Variants in LETMD1 observed in about 807,000 individuals in gnomAD.
The protein encoded by LETMD1 is LETM1 domain-containing protein 1.
LETMD1 carries 30 observed loss-of-function variants against 43.9 expected under a neutral mutation model. The observed-to-expected ratio is 0.68, with a 90% CI of 0.51 to 0.93. The LOEUF (loss-of-function observed/expected upper bound fraction) is 0.93, where lower values mean the gene tolerates loss of function less well. LETMD1 is among the 40% of genes least tolerant of loss of function. The pLI is 0.00. For synonymous variants in LETMD1, 176 were observed against 163.1 expected (o/e 1.08, Z -0.60); for missense variants, 413 against 447.7 (o/e 0.92, Z 0.70).
Position 51,055,984 on chromosome 12 carries a change from C to G in LETMD1, c.623C>G (p.Ala208Gly). The change falls in exon 5 of 9, where the codon GCA (alanine) becomes GGA (glycine). Residue 208 changes from alanine (A) to glycine (G), a missense_variant. Transcript: ENST00000262055. ...AAGGTCATCCCTCTCATTTCTGATG[C>G]AGGACTCCGGTGGCGTCTGACAGAT... Reference protein sequence around the residue: ...LEKVIPLISDAGLRWRLTDLC... With the variant: ...LEKVIPLISDGGLRWRLTDLC... The G allele has an allele frequency of 6.2e-7, 1 of 1,614,064 alleles. No homozygotes were observed. The highest frequency in any genetic ancestry group is 8.5e-7 in the Non-Finnish European group (1 of 1,179,968).
At chr12:51,061,286 GA>G (rs1948820886), downstream of LETMD1, 1 of 152,498 alleles carries the variant, frequency 6.6e-6, no homozygotes, top group South Asian at 2.1e-4. Flanking sequence ...ACCTAAAGGG[GA>G]AAAAATTATT....
At chr12:51,055,710 C>G (rs957630152) in intron 4 of LETMD1, 125 bp from the exon 5 acceptor site, 1 of 354,406 alleles carries the variant, frequency 2.8e-6, no homozygotes, top group Non-Finnish European at 5.3e-6. Flanking sequence ...AAAAAGAACA[C>G]TGAGGTAGGG....
At chr12:51,055,814 T>A in intron 4 of LETMD1, 21 bp from the exon 5 acceptor site, 2 of 1,563,364 alleles carry the variant, frequency 1.3e-6, no homozygotes, top group Non-Finnish European at 1.7e-6. Context: ...CAAGTGAGTT[T>A]GTGATTCTTT....
At chr12:51,068,345 T>G in the LETMD1 span, among the ~76,000 whole-genome samples, 5 of 152,246 alleles carry the variant, frequency 3.3e-5, no homozygotes, top group East Asian at 9.7e-4. Context: ...AAAGACAGGG[T>G]TTCACTGTGT....
Position 51,048,349 on chromosome 12 carries a change from C to G in LETMD1, c.-8C>G, listed in dbSNP as rs758299162. On this transcript the variant is annotated 5_prime_UTR_variant, in exon 1 of 9. Coordinates refer to ENST00000262055, the MANE Select transcript of LETMD1 (RefSeq NM_015416.5). ...AACCTCTTCTCTCCCGCTTCTCTCG[C>G]TGTGAAGATGGCGCTCTCCAGGGTG... The G allele has an allele frequency of 6.2e-7, 1 of 1,614,120 alleles. No individual in the cohort carries two copies. The highest frequency in any genetic ancestry group is 8.5e-7 in the Non-Finnish European group (1 of 1,180,014).
upstream of LETMD1, chr12:51,048,236 A>C: frequency 1.3e-5 from 18 of 1,359,156 alleles, no homozygotes; most frequent in Non-Finnish European, 1.8e-5. Context: ...TGCTGGAGCC[A>C]AGCAGGCTAT....
chr12:51,051,214 G>A (rs1218583891), intron 2 of LETMD1, among the ~76,000 whole-genome samples: 1 of 147,882 alleles, frequency 6.8e-6, no homozygotes, highest in Non-Finnish European at 1.5e-5. Flanking sequence ...GACCAGCCTG[G>A]CCAACATGGT....
intron 5 of LETMD1, 47 bp downstream of exon 5, chr12:51,056,068 T>A (rs1242469086): frequency 6.2e-7 from 1 of 1,608,872 alleles, no homozygotes; most frequent in Non-Finnish European, 8.5e-7. Flanking sequence ...TCTTGTTAGA[T>A]TCAGTGTGCA....
chr12:51,051,714 A>G (rs1017063090), intron 2 of LETMD1, among the ~76,000 whole-genome samples: 9 of 152,184 alleles, frequency 5.9e-5, no homozygotes, highest in South Asian at 2.1e-4. Context: ...CTCAAAAAAA[A>G]GAAAAAAAAA....
downstream of LETMD1, chr12:51,061,675 T>C (rs1270074504): frequency 1.3e-5 from 2 of 152,258 alleles, no homozygotes; most frequent in African/African-American, 2.4e-5. Flanking sequence ...CAGAAACATA[T>C]CTTGTGGGTT....
rs184158523 is a variant in LETMD1 at position 51,052,510 on chromosome 12, C to T, written c.390+303C>T. ...CAAAAGTCTGCAAGGGGGCTGGGCG[C>T]GGTGGCTCACGCCTGTAATCCCAGC... On this transcript the variant is annotated intron_variant, in intron 3 of 8. Transcript: ENST00000262055. The T allele has an allele frequency of 1.0e-3, 307 of 292,476 alleles. 1 individual carries two copies. Among genetic ancestry groups the T allele is most frequent in the East Asian group, 7.4e-3 (105 of 14,226 alleles). The allele number at this position is 292,476 out of a possible 1,614,324, so 18.1% of individuals were successfully genotyped here.
At chr12:51,055,807 G>A (rs776533362) in intron 4 of LETMD1, 28 bp from the exon 5 acceptor site, 3 of 1,543,842 alleles carry the variant, frequency 1.9e-6, no homozygotes, top group Non-Finnish European at 2.6e-6. Flanking sequence ...GTTTCAGCAA[G>A]TGAGTTTGTG....
At chr12:51,066,378 G>A in the LETMD1 span, among the ~76,000 whole-genome samples, 3 of 151,508 alleles carry the variant, frequency 2.0e-5, no homozygotes, top group Non-Finnish European at 2.9e-5. Flanking sequence ...GCTTGAACCC[G>A]GGAGGCAGAG....
intron 2 of LETMD1, among the ~76,000 whole-genome samples, chr12:51,050,709 G>A (rs1259386263): frequency 2.0e-5 from 3 of 151,804 alleles, no homozygotes; most frequent in African/African-American, 2.4e-5. Flanking sequence ...AAATATGAAA[G>A]CATTAAAGAA....
intron 8 of LETMD1, 113 bp from the exon 9 acceptor site, chr12:51,059,248 C>T: frequency 1.2e-6 from 1 of 837,222 alleles, no homozygotes; most frequent in Non-Finnish European, 2.0e-6. Context: ...AAAACAGCTT[C>T]TTCATTCCAC....
Position 51,059,382 on chromosome 12 carries a change from T to A in LETMD1, c.1034T>A (p.Leu345Gln). 6.2e-7 allele frequency: 1 copy of A among 1,614,240 alleles called. No homozygotes were observed. Among genetic ancestry groups the A allele is most frequent in the Non-Finnish European group, 8.5e-7 (1 of 1,180,018 alleles). Reference sequence around the variant, plus strand: ...TCAGAAGCTGAGCTGTCTCTCTTGCTGCACAACGTGGTCCTGCTCTCCACC... The same window carrying A: ...TCAGAAGCTGAGCTGTCTCTCTTGCAGCACAACGTGGTCCTGCTCTCCACC... Reference protein sequence around the residue: ...SLKEAELSLLLHNVVLLSTNY... With the variant: ...SLKEAELSLLQHNVVLLSTNY... Residue 345 changes from leucine (L) to glutamine (Q), a missense_variant, in exon 9 of 9, where the codon CTG (leucine) becomes CAG (glutamine). Transcript: ENST00000262055.
chr12:51,052,366 T>G, intron 3 of LETMD1, 159 bp downstream of exon 3: 2 of 782,918 alleles, frequency 2.6e-6, no homozygotes. Context: ...TCAGATTATT[T>G]GTAAGAATTG....
At chr12:51,061,538 C>T (rs995133956), downstream of LETMD1, 1 of 152,582 alleles carries the variant, frequency 6.6e-6, no homozygotes. Flanking sequence ...GTAGAGAAGG[C>T]CTTTCGCTTG....
rs1947680751 is a variant in LETMD1 at position 51,056,217 on chromosome 12, G to A, written c.734G>A (p.Gly245Asp). The change falls in exon 6 of 9, where the codon GGC becomes GAC. Residue 245 changes from glycine to aspartate, a missense_variant. Physicochemically the swap from Gly to Asp is moderately conservative, Grantham distance 94 (BLOSUM62 -1). Transcript: ENST00000262055. ...GAGTGTTTCTCTAACCATCCTCTGG[G>A]CATGAACCAACTCCAGGCTTTGCAC... Reference protein sequence around the residue: ...LRECFSNHPLGMNQLQALHVK... With the variant: ...LRECFSNHPLDMNQLQALHVK... The A allele has an allele frequency of 3.1e-6, 5 of 1,614,202 alleles. No homozygotes were observed. The East Asian group carries it at 1.1e-4, about 36-fold the overall frequency.
Sources: allele counts gnomAD v4.1 joint callset (sites outside exome capture counted in the v4.1 genomes callset), GRCh38; gene constraint gnomAD v4.1.1; transcripts MANE v1.5; gene names NCBI Gene and HGNC (gene_info 2026-07-23, HGNC 2026-07-21).